The following EVC variants were observed in gnomAD, a reference collection of about 807,000 sequenced individuals.
EVC encodes EvC ciliary complex subunit 1, also known as evC complex member EVC.
EVC carries 116 observed loss-of-function variants against 118.9 expected under a neutral mutation model. The ratio of observed to expected loss-of-function variants is 0.98; its 90% confidence interval spans 0.84 to 1.14. The LOEUF (loss-of-function observed/expected upper bound fraction) is 1.14, where lower values mean the gene tolerates loss of function less well. Among genes scored for constraint, EVC ranks in the 50% most tolerant of loss-of-function variants. The pLI is 0.00. For missense variants in EVC, 1,401 were observed against 1,246.4 expected (o/e 1.12, Z -1.87); for synonymous variants, 619 against 534.7 (o/e 1.16, Z -2.18).
Position 5,798,749 on chromosome 4 carries a change from A to C in EVC, c.2261A>C (p.Asn754Thr). ...CAGGCGCTGCTGGTGCATGCACGGA[A>C]TGCAGCCACCAAGAGCCGGGCCAAG... is the stretch of plus-strand genomic sequence containing the variant. ...IGQALLVHARNAATKSRAKDR... is the reference protein window; with the variant it reads ...IGQALLVHARTAATKSRAKDR... The change falls in exon 15 of 21, where the codon AAT becomes ACT. Residue 754 changes from asparagine (N) to threonine (T), a missense_variant. By Grantham distance (65) the Asn-to-Thr change is moderately conservative (BLOSUM62 0). Transcript: ENST00000264956. This position sits in a 1 kb window ranked among gnomAD's most constrained non-coding sequence, Gnocchi z 4.1. The C allele has an allele frequency of 6.2e-7, 1 of 1,611,240 alleles. No homozygotes were observed. The highest frequency in any genetic ancestry group is 2.2e-4 in the Middle Eastern group (1 of 4,556).
intron 7 of EVC, 60 bp downstream of exon 7, chr4:5,745,401 C>T (rs762732311): frequency 5.0e-5 from 79 of 1,571,556 alleles, no homozygotes; most frequent in Non-Finnish European, 6.7e-5. Flanking sequence ...GTTAAATTGG[C>T]TACATTAGAG....
chr4:5,741,422 T>C (rs1400997309), intron 5 of EVC, among the ~76,000 whole-genome samples: 2 of 152,210 alleles, frequency 1.3e-5, no homozygotes, highest in African/African-American at 4.8e-5. Context: ...AAATGGGGGA[T>C]GTGGAGGGCC....
intron 12 of EVC, among the ~76,000 whole-genome samples, chr4:5,786,784 A>G (rs1711705394): frequency 6.6e-6 from 1 of 151,498 alleles, no homozygotes; most frequent in African/African-American, 2.4e-5. Flanking sequence ...AGGCAGGAGA[A>G]TGGCGTGAAC....
At position 5,798,197 on chromosome 4, in the gene EVC, C is replaced by T. The variant is rs554580136; in HGVS notation, c.2098-389C>T. The stretch of plus-strand genomic sequence containing the variant: ...AGCTTCTGTGATATCCTGAGACTCA[C>T]ATCTGGCTTCAAACCTGGCTCTGCT... On this transcript the variant is annotated intron_variant, in intron 14 of 20. Transcript: ENST00000264956. The surrounding 1 kb of genome is among the most constrained non-coding windows in gnomAD (Gnocchi z 4.1). Among the ~76,000 whole-genome samples, 3 of 152,338 alleles carry T rather than the reference C, an allele frequency of 2.0e-5. No homozygotes were observed. In the East Asian group the frequency reaches 5.8e-4, roughly 29 times the overall value.
the EVC span, chr4:5,825,843 T>G: frequency 1.8e-3 from 1,086 of 604,166 alleles, 14 homozygotes; most frequent in African/African-American, 0.024. This position sits in a 1 kb window ranked among gnomAD's most constrained non-coding sequence, Gnocchi z 4.4. Context: ...ACACAGGCAT[T>G]CATACACACA....
intron 15 of EVC, among the ~76,000 whole-genome samples, chr4:5,799,409 A>G (rs978212253): frequency 1.3e-5 from 2 of 152,194 alleles, no homozygotes; most frequent in African/African-American, 2.4e-5. Context: ...CAGTCCTTGC[A>G]TGGTCAGGAT....
intron 14 of EVC, among the ~76,000 whole-genome samples, chr4:5,797,993 G>T (rs1295486409): frequency 1.3e-5 from 2 of 152,152 alleles, no homozygotes; most frequent in Non-Finnish European, 2.9e-5. Flanking sequence ...CCAAGCTCTG[G>T]GAGCAGCTGC....
intron 11 of EVC, among the ~76,000 whole-genome samples, chr4:5,781,440 AG>A (rs1735581792): frequency 6.6e-6 from 1 of 152,142 alleles, no homozygotes; most frequent in East Asian, 1.9e-4. Context: ...TTAGTGGCCC[AG>A]GGGAGGCTCC....
intron 14 of EVC, 194 bp downstream of exon 14, chr4:5,797,426 C>T (rs1714185299): frequency 1.6e-6 from 1 of 623,112 alleles, no homozygotes; most frequent in East Asian, 2.8e-5. Context: ...TCCCTGCTCA[C>T]CATCCTGGAG....
At chr4:5,823,098 G>C in the EVC span, among the ~76,000 whole-genome samples, 3 of 152,306 alleles carry the variant, frequency 2.0e-5, no homozygotes, top group South Asian at 2.1e-4. Context: ...CAACAGGAAG[G>C]AGACTCAAGT....
chr4:5,797,414 TTTCCCTG>T, intron 14 of EVC, 182 bp downstream of exon 14: 1 of 634,340 alleles, frequency 1.6e-6, no homozygotes, highest in Non-Finnish European at 2.9e-6. Context: ...ACTGCACACA[TTTCCCTG>T]CTCACCATCC....
intron 13 of EVC, among the ~76,000 whole-genome samples, chr4:5,794,556 G>A (rs1713583634): frequency 1.3e-5 from 2 of 151,066 alleles, no homozygotes; most frequent in Admixed American, 6.6e-5. Context: ...GATTACAGGT[G>A]CCCACCATCA....
At chr4:5,825,742 G>T in the EVC span, 1 of 1,457,174 alleles carries the variant, frequency 6.9e-7, no homozygotes, top group Non-Finnish European at 9.4e-7. The surrounding 1 kb of genome is among the most constrained non-coding windows in gnomAD (Gnocchi z 4.4). Flanking sequence ...CCCTGCGGGC[G>T]AGAGAGAAAC....
At position 5,742,027 on chromosome 4, in the gene EVC, ATAT is replaced by A. The variant is rs1219727890; in HGVS notation, c.801+215_801+217del. On this transcript the variant is annotated intron_variant, in intron 6 of 20. Coordinates refer to ENST00000264956, the MANE Select transcript of EVC (RefSeq NM_153717.3). The surrounding 1 kb of genome is among the most constrained non-coding windows in gnomAD (Gnocchi z 5.2). ...AATACTATTTATAGCAAAGAGAATA[ATAT>A]TGGTCATATCTACTACTCAAAGACG... is the stretch of plus-strand genomic sequence containing the variant. Among the ~76,000 whole-genome samples the A allele has an allele frequency of 4.6e-5, 7 of 151,950 alleles. No individual in the cohort carries two copies. The highest frequency in any genetic ancestry group is 9.7e-5 in the African/African-American group (4 of 41,282).
intron 11 of EVC, among the ~76,000 whole-genome samples, chr4:5,766,222 G>T (rs531628137): frequency 1.3e-5 from 2 of 151,526 alleles, no homozygotes; most frequent in African/African-American, 2.4e-5. Context: ...AAGAATGTTG[G>T]ATATTGGCCC....
chr4:5,823,543 G>A, the EVC span, among the ~76,000 whole-genome samples: 1 of 152,208 alleles, frequency 6.6e-6, no homozygotes, highest in Non-Finnish European at 1.5e-5. Context: ...AGGGGTTTGG[G>A]TCATGAAGGA....
chr4:5,774,852 A>T (rs1438567668), intron 11 of EVC, among the ~76,000 whole-genome samples: 2 of 152,150 alleles, frequency 1.3e-5, no homozygotes, highest in Non-Finnish European at 2.9e-5. Flanking sequence ...TATTTCAGGC[A>T]CAGAATAAAT....
intron 2 of EVC, among the ~76,000 whole-genome samples, chr4:5,724,549 C>T (rs138039484): frequency 2.8e-4 from 43 of 152,222 alleles, no homozygotes; most frequent in Non-Finnish European, 5.6e-4. Context: ...GTTCAGATCC[C>T]GGTTCTAGTG....
chr4:5,800,795 C>G (rs1216678179), intron 15 of EVC, among the ~76,000 whole-genome samples: 1 of 152,148 alleles, frequency 6.6e-6, no homozygotes, highest in Non-Finnish European at 1.5e-5. Flanking sequence ...AGTTAGAAGA[C>G]CAGCTCAGAC....
Sources: gnomAD v4.1 joint callset for allele counts (sites outside exome capture counted in the v4.1 genomes callset) on GRCh38, gnomAD v4.1.1 for gene constraint, Gnocchi (gnomAD v3.1) non-coding constraint, MANE v1.5 for transcripts, NCBI Gene and HGNC (gene_info 2026-07-23, HGNC 2026-07-21) for gene names.